MAPK10: variants seen among roughly 807,000 people sequenced by gnomAD.
MAPK10 encodes JNK3 alpha protein kinase.
MAPK10 carries 25 observed loss-of-function variants against 59.3 expected under a neutral mutation model. The ratio of observed to expected loss-of-function variants is 0.42; its 90% CI spans 0.31 to 0.59. The LOEUF is 0.59. MAPK10 is among the 20% of genes least tolerant of loss of function. The pLI, the probability that MAPK10 is intolerant of heterozygous loss-of-function variation, is 0.15. For missense variants in MAPK10, 351 were observed against 568.9 expected (o/e 0.62, Z 3.90); for synonymous variants, 190 against 200.5 (o/e 0.95, Z 0.44).
At chr4:86,109,501 C>T (rs1442675875) in intron 4 of MAPK10, among the ~76,000 whole-genome samples, 1 of 145,262 alleles carries the variant, frequency 6.9e-6, no homozygotes, top group Non-Finnish European at 1.5e-5. Flanking sequence ...TTTTCTGTTC[C>T]TGCATTAGTT....
intron 4 of MAPK10, among the ~76,000 whole-genome samples, chr4:86,151,161 A>T (rs2066369114): frequency 6.6e-6 from 1 of 152,140 alleles, no homozygotes; most frequent in South Asian, 2.1e-4. Flanking sequence ...TCATGAAGGA[A>T]CTAACTGGGC....
intron 2 of MAPK10, among the ~76,000 whole-genome samples, chr4:86,212,796 G>T (rs1293299261): frequency 1.3e-5 from 2 of 152,004 alleles, no homozygotes; most frequent in Non-Finnish European, 2.9e-5. Flanking sequence ...ACTTCAACAT[G>T]CTATTCTAAA....
intron 4 of MAPK10, among the ~76,000 whole-genome samples, chr4:86,141,145 C>A (rs1474166753): frequency 6.6e-6 from 1 of 152,130 alleles, no homozygotes; most frequent in Non-Finnish European, 1.5e-5. Context: ...GGCCTTGTAC[C>A]ATGTTCTAAA....
At chr4:86,406,517 A>G (rs1244410536) in intron 1 of MAPK10, among the ~76,000 whole-genome samples, 3 of 152,210 alleles carry the variant, frequency 2.0e-5, no homozygotes, top group Non-Finnish European at 2.9e-5. Flanking sequence ...ATGAATCACC[A>G]GGTATTAGTG....
At chr4:86,132,700 C>T (rs961470401) in intron 4 of MAPK10, among the ~76,000 whole-genome samples, 1 of 152,150 alleles carries the variant, frequency 6.6e-6, no homozygotes, top group Non-Finnish European at 1.5e-5. Context: ...GTGAAATCAT[C>T]GTCAGCATTA....
chr4:86,274,748 T>C (rs1332384604), intron 2 of MAPK10, among the ~76,000 whole-genome samples: 3 of 152,108 alleles, frequency 2.0e-5, no homozygotes, highest in African/African-American at 7.2e-5. Flanking sequence ...ACATTAATAA[T>C]TTCTGTCCCT....
upstream of MAPK10, among the ~76,000 whole-genome samples, chr4:86,457,178 A>G (rs1751312498): frequency 6.6e-6 from 1 of 152,238 alleles, no homozygotes; most frequent in African/African-American, 2.4e-5. Flanking sequence ...AAAGCCATCT[A>G]TGACAAACCC....
At chr4:86,237,181 G>A (rs1462302272) in intron 2 of MAPK10, among the ~76,000 whole-genome samples, 8 of 152,182 alleles carry the variant, frequency 5.3e-5, no homozygotes, top group Non-Finnish European at 1.2e-4. Flanking sequence ...CCCTGCAAAA[G>A]ACATGATCTC....
intron 4 of MAPK10, among the ~76,000 whole-genome samples, chr4:86,141,042 C>T (rs946225847): frequency 6.6e-6 from 1 of 152,040 alleles, no homozygotes; most frequent in African/African-American, 2.4e-5. Flanking sequence ...TACCCAATAC[C>T]CTCATTTTAT....
chr4:86,177,597 G>A (rs1446096525), intron 3 of MAPK10, among the ~76,000 whole-genome samples: 3 of 152,002 alleles, frequency 2.0e-5, no homozygotes, highest in Non-Finnish European at 4.4e-5. Context: ...GCTTAATGAT[G>A]TTTTTTAAAT....
At chr4:86,507,655 T>TATATATACATACATAC (rs1554274998) in intron 1 of MAPK10, among the ~76,000 whole-genome samples, 1 of 71,266 alleles carries the variant, frequency 1.4e-5, no homozygotes, top group Non-Finnish European at 2.9e-5. Flanking sequence ...TATATATATA[T>TATATATACATACATAC]ATATATATAT....
chr4:86,421,357 C>G (rs974231543), intron 1 of MAPK10, among the ~76,000 whole-genome samples: 1 of 152,072 alleles, frequency 6.6e-6, no homozygotes, highest in African/African-American at 2.4e-5. Flanking sequence ...TATAAATTCT[C>G]TAAAAAATAA....
At chr4:86,395,049 C>T (rs1227596733) in intron 1 of MAPK10, among the ~76,000 whole-genome samples, 4 of 132,432 alleles carry the variant, frequency 3.0e-5, no homozygotes, top group African/African-American at 1.2e-4. Flanking sequence ...TCCATGTACA[C>T]TCATTCACAG....
chr4:86,541,144 G>T (rs946859087), intron 1 of MAPK10, among the ~76,000 whole-genome samples: 1 of 152,108 alleles, frequency 6.6e-6, no homozygotes, highest in Non-Finnish European at 1.5e-5. Flanking sequence ...CTTGAAAGGG[G>T]CATGGGAGAG....
intron 2 of MAPK10, among the ~76,000 whole-genome samples, chr4:86,216,085 A>G (rs1336573171): frequency 6.6e-6 from 1 of 152,040 alleles, no homozygotes; most frequent in African/African-American, 2.4e-5. Flanking sequence ...GAAAAATAGA[A>G]TTACCATGTG....
At chr4:86,320,633 T>G in intron 2 of MAPK10, among the ~76,000 whole-genome samples, 1 of 152,248 alleles carries the variant, frequency 6.6e-6, no homozygotes, top group Non-Finnish European at 1.5e-5. Flanking sequence ...TGGTAGTTTC[T>G]TTTGCTGTGC....
chr4:86,304,288 G>T (rs1355013776), intron 2 of MAPK10, among the ~76,000 whole-genome samples: 1 of 149,226 alleles, frequency 6.7e-6, no homozygotes, highest in Non-Finnish European at 1.5e-5. Context: ...TTTAAACCTT[G>T]AAGTGTCAAG....
chr4:86,580,582 T>C (rs1363608876), intron 1 of MAPK10, among the ~76,000 whole-genome samples: 4 of 152,172 alleles, frequency 2.6e-5, no homozygotes, highest in Non-Finnish European at 5.9e-5. Context: ...AAATTTTAAA[T>C]ATGCAACTTT....
At chr4:86,359,287 T>TCTCTCTCTCTCTCCCC in intron 1 of MAPK10, among the ~76,000 whole-genome samples, 1 of 128,472 alleles carries the variant, frequency 7.8e-6, no homozygotes, top group African/African-American at 3.4e-5. Flanking sequence ...TCTCTCTCTC[T>TCTCTCTCTCTCTCCCC]CTGTGTGTGT....
Sources: allele counts gnomAD v4.1 joint callset (sites outside exome capture counted in the v4.1 genomes callset), GRCh38; gene constraint gnomAD v4.1.1; transcripts MANE v1.5; gene names NCBI Gene and HGNC (gene_info 2026-07-23, HGNC 2026-07-21).